The following SH3RF3 variants were observed in gnomAD, a reference collection of about 807,000 sequenced individuals.
SH3RF3 encodes the protein SH3 domain containing ring finger 3.
SH3RF3 carries 29 observed loss-of-function variants against 66.3 expected under a neutral mutation model. That is an observed-to-expected ratio of 0.44 (90% CI 0.33 to 0.60). SH3RF3 has a LOEUF of 0.60. Among genes scored for constraint, SH3RF3 ranks in the 20% least tolerant of loss-of-function variants. The probability of loss-of-function intolerance (pLI) is 0.04; values close to 1 mark genes in which losing one functional copy is unlikely to be tolerated. For missense variants in SH3RF3, 1,194 were observed against 1,190.9 expected (o/e 1.00, Z -0.04); for synonymous variants, 583 against 532.0 (o/e 1.10, Z -1.32).
At chr2:109,271,438 T>C (rs72939507) in intron 1 of SH3RF3, among the ~76,000 whole-genome samples, 3,057 of 152,320 alleles carry the variant, frequency 0.02, 93 homozygotes, top group African/African-American at 0.07. Context: ...GTAAGAGTTT[T>C]TCAACAATGG....
chr2:109,487,438 A>T (rs1679013834), intron 8 of SH3RF3, among the ~76,000 whole-genome samples: 1 of 152,226 alleles, frequency 6.6e-6, no homozygotes, highest in Non-Finnish European at 1.5e-5. Context: ...GTAATAACTG[A>T]TGCTTAAGGC....
At chr2:109,192,601 T>C (rs1175948523) in intron 1 of SH3RF3, among the ~76,000 whole-genome samples, 4 of 152,170 alleles carry the variant, frequency 2.6e-5, no homozygotes, top group African/African-American at 7.2e-5. Context: ...GAATAGTCTA[T>C]GAGATAAAGA....
intron 1 of SH3RF3, among the ~76,000 whole-genome samples, chr2:109,249,334 T>C (rs2105248918): frequency 6.6e-6 from 1 of 152,072 alleles, no homozygotes; most frequent in East Asian, 1.9e-4. Context: ...CACATAATCT[T>C]TGCAAAAAAT....
chr2:109,324,854 A>T (rs1682111042), intron 1 of SH3RF3, among the ~76,000 whole-genome samples: 4 of 152,190 alleles, frequency 2.6e-5, no homozygotes, highest in Admixed American at 2.6e-4. Flanking sequence ...AGGTGTGTGC[A>T]AGCACGCACG....
chr2:109,347,082 G>T (rs1242581873), intron 1 of SH3RF3, among the ~76,000 whole-genome samples: 1 of 152,186 alleles, frequency 6.6e-6, no homozygotes, highest in Non-Finnish European at 1.5e-5. Context: ...TGCCATGCAC[G>T]CCTGCTGCTC....
At chr2:109,444,179 A>T (rs866915918) in intron 7 of SH3RF3, among the ~76,000 whole-genome samples, 26 of 152,358 alleles carry the variant, frequency 1.7e-4, no homozygotes, top group Non-Finnish European at 3.4e-4. Flanking sequence ...ATCAAAAGGG[A>T]TATTATAACG....
chr2:109,398,388 C>T (rs1367905427), intron 3 of SH3RF3, among the ~76,000 whole-genome samples: 2 of 152,194 alleles, frequency 1.3e-5, no homozygotes, highest in Non-Finnish European at 2.9e-5. Flanking sequence ...ATCATGGCTC[C>T]TGGGGTTTTT....
At chr2:109,436,063 C>T in intron 6 of SH3RF3, among the ~76,000 whole-genome samples, 1 of 152,154 alleles carries the variant, frequency 6.6e-6, no homozygotes, top group East Asian at 1.9e-4. Context: ...GATGGCTGGA[C>T]CAGGCACAGG....
chr2:109,326,873 G>A (rs1259129932), intron 1 of SH3RF3, among the ~76,000 whole-genome samples: 2 of 152,196 alleles, frequency 1.3e-5, no homozygotes, highest in Non-Finnish European at 2.9e-5. Context: ...GTGTTCCCCA[G>A]CAGGTGAGGG....
At chr2:109,302,429 A>C (rs141921153) in intron 1 of SH3RF3, among the ~76,000 whole-genome samples, 1 of 152,234 alleles carries the variant, frequency 6.6e-6, no homozygotes, top group Non-Finnish European at 1.5e-5. Context: ...CTGCCATGCC[A>C]TGGAGGCAGA....
At chr2:109,254,456 A>G (rs1340013894) in intron 1 of SH3RF3, among the ~76,000 whole-genome samples, 1 of 152,178 alleles carries the variant, frequency 6.6e-6, no homozygotes, top group Non-Finnish European at 1.5e-5. Flanking sequence ...AGTACTTAGA[A>G]TAGGGCCTGA....
chr2:109,189,458 T>A (rs1239001296), intron 1 of SH3RF3, among the ~76,000 whole-genome samples: 2 of 151,140 alleles, frequency 1.3e-5, no homozygotes, highest in African/African-American at 4.9e-5. Context: ...AACCTCTGCC[T>A]CCTGGGTTCA....
intron 8 of SH3RF3, among the ~76,000 whole-genome samples, chr2:109,451,084 C>T (rs569003128): frequency 6.6e-6 from 1 of 152,348 alleles, no homozygotes; most frequent in African/African-American, 2.4e-5. Context: ...TTCCGCAGGG[C>T]CTCAGCACCT....
intron 9 of SH3RF3, among the ~76,000 whole-genome samples, chr2:109,491,397 T>G (rs1485646518): frequency 6.6e-6 from 1 of 152,208 alleles, no homozygotes; most frequent in Non-Finnish European, 1.5e-5. Context: ...CAAGACGGCT[T>G]CAAGTCTATA....
At chr2:109,156,171 A>G (rs190260875) in intron 1 of SH3RF3, among the ~76,000 whole-genome samples, 2 of 152,298 alleles carry the variant, frequency 1.3e-5, no homozygotes, top group African/African-American at 4.8e-5. Flanking sequence ...AGCAGTTTGG[A>G]GCTCAGCTTC....
chr2:109,303,107 C>T (rs1217297267), intron 1 of SH3RF3, among the ~76,000 whole-genome samples: 1 of 152,182 alleles, frequency 6.6e-6, no homozygotes, highest in African/African-American at 2.4e-5. Context: ...AACTCCTGAC[C>T]TCAGGTGATC....
At chr2:109,472,812 A>G (rs1678558950) in intron 8 of SH3RF3, among the ~76,000 whole-genome samples, 1 of 152,170 alleles carries the variant, frequency 6.6e-6, no homozygotes, top group African/African-American at 2.4e-5. Flanking sequence ...CCCGTTGGAA[A>G]TCCAACACAC....
At chr2:109,461,688 C>T (rs1255954244) in intron 8 of SH3RF3, among the ~76,000 whole-genome samples, 8 of 151,646 alleles carry the variant, frequency 5.3e-5, no homozygotes, top group African/African-American at 1.9e-4. Context: ...CGGTGATCCA[C>T]CTGCCAGAGG....
intron 2 of SH3RF3, 38 bp downstream of exon 2, chr2:109,347,987 C>A: frequency 6.4e-7 from 1 of 1,561,102 alleles, no homozygotes; most frequent in South Asian, 1.2e-5. Flanking sequence ...CCAGCCCATG[C>A]AGCCTCTGTG....
Sources: allele counts gnomAD v4.1 joint callset (sites outside exome capture counted in the v4.1 genomes callset), GRCh38; gene constraint gnomAD v4.1.1; transcripts MANE v1.5; gene names NCBI Gene and HGNC (gene_info 2026-07-23, HGNC 2026-07-21).